NWD2: variants seen among roughly 807,000 people sequenced by gnomAD.
NWD2 encodes NACHT and WD repeat domain-containing protein 2.
In NWD2, 37 loss-of-function variants were observed where a neutral mutation model predicts 132.7. That is an observed-to-expected ratio of 0.28 (90% CI 0.21 to 0.37). The LOEUF (loss-of-function observed/expected upper bound fraction) is 0.37. Ranked by LOEUF, NWD2 falls within the 10% of genes least tolerant of loss-of-function variation. The pLI is 1.00. For missense variants in NWD2, 1,592 were observed against 2,122.4 expected, an observed-to-expected ratio of 0.75 and a Z score of 4.91; for synonymous variants, 705 against 803.0, an observed-to-expected ratio of 0.88 and a Z score of 2.06.
At chr4:37,310,967 CA>C (rs1207423055) in intron 1 of NWD2, among the ~76,000 whole-genome samples, 1 of 151,912 alleles carries the variant, frequency 6.6e-6, no homozygotes, top group Non-Finnish European at 1.5e-5. Context: ...ATGAACTCAT[CA>C]TTTTTTATGG....
chr4:37,359,038 A>G (rs140559802), intron 3 of NWD2, among the ~76,000 whole-genome samples: 1 of 152,300 alleles, frequency 6.6e-6, no homozygotes, highest in African/African-American at 2.4e-5. Flanking sequence ...ACCGTAATCC[A>G]GCCTTGGAAA....
At chr4:37,402,737 C>T (rs1167971006) in intron 3 of NWD2, among the ~76,000 whole-genome samples, 1 of 152,184 alleles carries the variant, frequency 6.6e-6, no homozygotes, top group Non-Finnish European at 1.5e-5. Flanking sequence ...TGCATGGGTT[C>T]TGTAATGTCA....
chr4:37,352,566 T>C (rs1719791721), intron 2 of NWD2, among the ~76,000 whole-genome samples: 1 of 152,212 alleles, frequency 6.6e-6, no homozygotes, highest in African/African-American at 2.4e-5. Flanking sequence ...TGCATATATA[T>C]TCAGGATAGT....
rs1712625767 is a variant in NWD2, at chr4:37,446,020, C to T, written c.4032C>T (p.Asn1344=). The change falls in exon 7 of 7, where the codon AAC becomes AAT. Residue 1344 remains asparagine (N), a synonymous_variant. Coordinates refer to ENST00000309447, the MANE Select transcript of NWD2 (RefSeq NM_001144990.2). The surrounding 1 kb of genome is among the most constrained non-coding windows in gnomAD (Gnocchi z 6.7). ...LDGSDCVHKW[N]FSSGFIEAVF... is the part of the protein sequence containing the mutation. Reference sequence around the variant, plus strand: ...GATCCGATTGTGTTCATAAGTGGAACTTCAGCAGTGGCTTCATCGAAGCAG... The same window carrying T: ...GATCCGATTGTGTTCATAAGTGGAATTTCAGCAGTGGCTTCATCGAAGCAG... 1.3e-6 allele frequency: 2 copies of T among 1,551,722 alleles called. No individual in the cohort carries two copies. Among genetic ancestry groups the T allele is most frequent in the Middle Eastern group, 1.7e-4 (1 of 5,992 alleles).
intron 1 of NWD2, among the ~76,000 whole-genome samples, chr4:37,297,198 C>T (rs1718513195): frequency 1.3e-5 from 2 of 152,114 alleles, no homozygotes; most frequent in South Asian, 4.1e-4. Context: ...TGCACATGCT[C>T]AAGTCCCCCT....
At chr4:37,301,824 A>G (rs1273617114) in intron 1 of NWD2, among the ~76,000 whole-genome samples, 2 of 152,038 alleles carry the variant, frequency 1.3e-5, no homozygotes, top group Non-Finnish European at 2.9e-5. Context: ...TGGATCTCAC[A>G]TATGTTGTCT....
chr4:37,394,944 C>A, intron 3 of NWD2, among the ~76,000 whole-genome samples: 1 of 150,530 alleles, frequency 6.6e-6, no homozygotes, highest in Non-Finnish European at 1.5e-5. Context: ...TCCCGAGTAG[C>A]TGGGATTACA....
chr4:37,263,446 A>G (rs997578192), intron 1 of NWD2, among the ~76,000 whole-genome samples: 18 of 152,136 alleles, frequency 1.2e-4, no homozygotes, highest in Non-Finnish European at 4.4e-5. Context: ...TCTGGATCAG[A>G]AAGTGCTAGG....
chr4:37,376,312 A>G lies in NWD2; in HGVS notation c.357+19830A>G, dbSNP rs375219353. On this transcript the variant is annotated intron_variant, in intron 3 of 6. Transcript: ENST00000309447. ...TAGTGTCACTACTTAAAACACTTGT[A>G]AATTAAATTAGATAGGTGAAAGAAG... 2.9e-4 allele frequency among the ~76,000 whole-genome samples: 44 copies of G among 152,356 alleles called. 1 individual carries two copies. In the South Asian group the frequency reaches 8.3e-3, roughly 29 times the overall value.
chr4:37,265,396 G>A (rs977930604), intron 1 of NWD2, among the ~76,000 whole-genome samples: 15 of 152,178 alleles, frequency 9.9e-5, no homozygotes, highest in Middle Eastern at 3.4e-3. Context: ...ATTCGTATTC[G>A]TTTTCTATTG....
rs1717839864 is a variant in NWD2 at position 37,270,228 on chromosome 4, T to A, written c.151+25010T>A. On this transcript the variant is annotated intron_variant, in intron 1 of 6. Coordinates refer to ENST00000309447, the MANE Select transcript of NWD2 (RefSeq NM_001144990.2). Reference sequence around the variant, plus strand: ...TTGAATAAGGTTAACCATGCTCATATCAGGAATAGTTATTAGCGTAATTCA... The same window carrying A: ...TTGAATAAGGTTAACCATGCTCATAACAGGAATAGTTATTAGCGTAATTCA... Among the ~76,000 whole-genome samples the A allele has an allele frequency of 3.3e-5, 5 of 151,928 alleles. No homozygotes were observed. The South Asian group carries it at 1.0e-3, about 31-fold the overall frequency.
At chr4:37,336,878 G>C (rs191965361) in intron 2 of NWD2, among the ~76,000 whole-genome samples, 1 of 148,804 alleles carries the variant, frequency 6.7e-6, no homozygotes, top group African/African-American at 2.5e-5. Context: ...GGCGGAGGTT[G>C]CAGTGGGCCG....
chr4:37,321,268 TAA>T (rs1334129546), intron 1 of NWD2, among the ~76,000 whole-genome samples: 1 of 152,146 alleles, frequency 6.6e-6, no homozygotes, highest in Non-Finnish European at 1.5e-5. Context: ...TTATCTTCAA[TAA>T]AAAAATTGGA....
intron 1 of NWD2, among the ~76,000 whole-genome samples, chr4:37,298,416 A>C (rs1325319908): frequency 6.6e-6 from 1 of 152,198 alleles, no homozygotes; most frequent in Non-Finnish European, 1.5e-5. Flanking sequence ...ATTTATATTC[A>C]GCTAAACACG....
chr4:37,386,445 C>G (rs1391593194), intron 3 of NWD2, among the ~76,000 whole-genome samples: 1 of 152,050 alleles, frequency 6.6e-6, no homozygotes, highest in African/African-American at 2.4e-5. Context: ...AGGGTAGGTC[C>G]TGGGTGCTTA....
At chr4:37,431,996 T>C (rs2109326556) in intron 4 of NWD2, among the ~76,000 whole-genome samples, 1 of 6,970 alleles carries the variant, frequency 1.4e-4, no homozygotes. Context: ...TTAATGAAGC[T>C]CCCTTTGCTT....
chr4:37,391,594 G>A (rs921506848), intron 3 of NWD2, among the ~76,000 whole-genome samples: 1 of 152,196 alleles, frequency 6.6e-6, no homozygotes, highest in Non-Finnish European at 1.5e-5. Context: ...GGTATGTGGG[G>A]AAAGAGAGAA....
chr4:37,407,367 C>T (rs1721066216), intron 3 of NWD2, among the ~76,000 whole-genome samples: 1 of 152,122 alleles, frequency 6.6e-6, no homozygotes, highest in Non-Finnish European at 1.5e-5. Flanking sequence ...CATTAGTACC[C>T]AAGGAGGAGA....
intron 3 of NWD2, among the ~76,000 whole-genome samples, chr4:37,374,092 T>A (rs1192172409): frequency 2.0e-5 from 3 of 152,124 alleles, no homozygotes; most frequent in African/African-American, 7.2e-5. Context: ...TGGGGCCCAG[T>A]GGGAAGTGTT....
Sources: gnomAD v4.1 joint callset for allele counts (sites outside exome capture counted in the v4.1 genomes callset) on GRCh38, gnomAD v4.1.1 for gene constraint, Gnocchi (gnomAD v3.1) non-coding constraint, MANE v1.5 for transcripts, NCBI Gene and HGNC (gene_info 2026-07-23, HGNC 2026-07-21) for gene names.